The following GABARAPL1 variants were observed in gnomAD, a reference collection of about 807,000 sequenced individuals.
GABARAPL1 encodes GABA type A receptor associated protein like 1, also known as gamma-aminobutyric acid receptor-associated protein-like 1.
GABARAPL1 carries 4 observed loss-of-function variants against 14.5 expected under a neutral mutation model. The ratio of observed to expected loss-of-function variants is 0.28; its 90% CI spans 0.14 to 0.63. The LOEUF is 0.63. GABARAPL1 is among the 30% of genes least tolerant of loss of function. The pLI is 0.84. For synonymous variants in GABARAPL1, 47 were observed against 50.6 expected, an observed-to-expected ratio of 0.93 and a Z score of 0.30; for missense variants, 82 against 139.2, an observed-to-expected ratio of 0.59 and a Z score of 2.07.
chr12:10,220,862 G>A, intron 3 of GABARAPL1: 1 of 1,416,514 alleles, frequency 7.1e-7, no homozygotes, highest in Non-Finnish European at 9.2e-7. Context: ...GATAGCAAAA[G>A]TTCCAAAGCG....
At chr12:10,221,518 G>T in intron 3 of GABARAPL1, 1 of 812,340 alleles carries the variant, frequency 1.2e-6, no homozygotes, top group Non-Finnish European at 1.5e-6. Flanking sequence ...CCCCTTGCTA[G>T]GAGTGAGCTC....
chr12:10,221,660 T>G (rs1212037120), intron 3 of GABARAPL1, 127 bp from the exon 4 acceptor site: 9 of 1,113,188 alleles, frequency 8.1e-6, no homozygotes, highest in Non-Finnish European at 1.0e-5. Flanking sequence ...CCCTATCCTT[T>G]GCTCCTCTTT....
chr12:10,217,084 T>G (rs1220658723), intron 1 of GABARAPL1, among the ~76,000 whole-genome samples: 2 of 152,186 alleles, frequency 1.3e-5, no homozygotes, highest in African/African-American at 2.4e-5. Context: ...TTGGGAAGTT[T>G]TAGTGTATAA....
intron 3 of GABARAPL1, 95 bp from the exon 4 acceptor site, chr12:10,221,692 T>A: frequency 7.2e-7 from 1 of 1,395,784 alleles, no homozygotes. Context: ...TAATGATACC[T>A]TCCATACCTG....
chr12:10,218,141 G>A lies in GABARAPL1; in HGVS notation c.169G>A (p.Val57Ile), dbSNP rs1287068145. The change falls in exon 2 of 4, where the codon GTT becomes ATT. Residue 57 changes from valine (V) to isoleucine (I), a missense_variant and splice_region_variant. Physicochemically the swap from Val to Ile is conservative, Grantham distance 29. Around this residue, in one of 3 missense-constraint regions of GABARAPL1, gnomAD observed 65 missense variants for 103.7 expected, o/e 0.63. Coordinates refer to ENST00000266458, the MANE Select transcript of GABARAPL1 (RefSeq NM_031412.4). Reference sequence around the variant, plus strand: ...GTACCTAGTGCCCTCTGACCTTACTGGTAATGCTCTTTGCCTTCCCTGACC... The same window carrying A: ...GTACCTAGTGCCCTCTGACCTTACTAGTAATGCTCTTTGCCTTCCCTGACC... ...RKYLVPSDLT[V>I]GQFYFLIRKR... 1 of 1,591,926 alleles carries A rather than the reference G, an allele frequency of 6.3e-7. No homozygotes were observed. The highest frequency in any genetic ancestry group is 1.1e-5 in the South Asian group (1 of 90,652).
chr12:10,216,929 CTT>C (rs944417001), intron 1 of GABARAPL1, among the ~76,000 whole-genome samples: 1 of 152,006 alleles, frequency 6.6e-6, no homozygotes, highest in Non-Finnish European at 1.5e-5. Context: ...TTAAAAATAT[CTT>C]TTAAATTTTG....
chr12:10,213,684 G>C (rs1361368789), intron 1 of GABARAPL1: 1 of 348,570 alleles, frequency 2.9e-6, no homozygotes, highest in African/African-American at 2.2e-5. Flanking sequence ...GTTGACTTTG[G>C]CTCTCATATC....
intron 3 of GABARAPL1, chr12:10,220,801 T>A (rs1949117000): frequency 6.9e-7 from 1 of 1,450,478 alleles, no homozygotes; most frequent in Non-Finnish European, 9.0e-7. Context: ...CTTGTCTGAC[T>A]ATAGTGTTTT....
intron 1 of GABARAPL1, chr12:10,213,450 T>C (rs1288737850): frequency 1.8e-6 from 1 of 568,650 alleles, no homozygotes; most frequent in African/African-American, 1.9e-5. Flanking sequence ...GACGGCGTTT[T>C]GGGGGCCGAG....
At chr12:10,220,259 G>A (rs1258891502) in intron 2 of GABARAPL1, among the ~76,000 whole-genome samples, 181 bp from the exon 3 acceptor site, 1 of 152,120 alleles carries the variant, frequency 6.6e-6, no homozygotes, top group Non-Finnish European at 1.5e-5. Context: ...GTGGGCTTCC[G>A]AGTTTCCCTT....
In GABARAPL1 at chr12:10,218,102, C is replaced by A; in HGVS notation, c.130C>A (p.Leu44Met). 1 of 1,611,298 alleles carries A rather than the reference C, an allele frequency of 6.2e-7. No homozygotes were observed. Among genetic ancestry groups the A allele is most frequent in the Non-Finnish European group, 8.5e-7 (1 of 1,177,416 alleles). The change falls in exon 2 of 4, where the codon CTG becomes ATG. Residue 44 changes from leucine (L) to methionine (M), a missense_variant. By Grantham distance (15) the Leu-to-Met change is conservative. Around this residue, in one of 3 missense-constraint regions of GABARAPL1, gnomAD observed 65 missense variants for 103.7 expected, o/e 0.63. Transcript: ENST00000266458. ...GGCTCCAAAAGCCAGGGTGCCTGAT[C>A]TGGACAAGAGGAAGTACCTAGTGCC... is the stretch of plus-strand genomic sequence containing the variant. ...EKAPKARVPDLDKRKYLVPSD... is the reference protein window; with the variant it reads ...EKAPKARVPDMDKRKYLVPSD...
intron 3 of GABARAPL1, 22 bp downstream of exon 3, chr12:10,220,580 T>A: frequency 1.2e-6 from 2 of 1,614,006 alleles, no homozygotes; most frequent in Non-Finnish European, 1.7e-6. Flanking sequence ...GGTTGCACAA[T>A]ACTGGATGCC....
chr12:10,213,437 G>A, intron 1 of GABARAPL1: 2 of 604,352 alleles, frequency 3.3e-6, no homozygotes, highest in Non-Finnish European at 6.1e-6. Context: ...CCACTTCAGG[G>A]CTGACGGCGT....
rs749803834 is a variant in GABARAPL1, at chr12:10,221,820, G to T, written c.322G>T (p.Ala108Ser). Residue 108 changes from alanine to serine, a missense_variant, in exon 4 of 4, where the codon GCC becomes TCC. Coordinates refer to ENST00000266458, the MANE Select transcript of GABARAPL1 (RefSeq NM_031412.4). ...TGAGGAAGACTATTTTCTGTATGTG[G>T]CCTACAGTGATGAGAGTGTCTATGG... ...NHEEDYFLYV[A>S]YSDESVYGK The T allele has an allele frequency of 6.2e-7, 1 of 1,613,980 alleles. No homozygotes were observed. The highest frequency in any genetic ancestry group is 1.1e-5 in the South Asian group (1 of 91,078).
At chr12:10,220,977 G>A in intron 3 of GABARAPL1, 1 of 1,237,304 alleles carries the variant, frequency 8.1e-7, no homozygotes. Flanking sequence ...GATTGAGAAA[G>A]CACGTAATAG....
Position 10,218,095 on chromosome 12 carries a change from G to T in GABARAPL1, c.123G>T (p.Val41=). ...TAGAGAAGGCTCCAAAAGCCAGGGT[G>T]CCTGATCTGGACAAGAGGAAGTACC... is the stretch of plus-strand genomic sequence containing the variant. The part of the protein sequence containing the change: ...VIVEKAPKAR[V]PDLDKRKYLV... The change falls in exon 2 of 4, where the codon GTG becomes GTT. Residue 41 remains valine, a synonymous_variant. Coordinates refer to ENST00000266458, the MANE Select transcript of GABARAPL1 (RefSeq NM_031412.4). 1 of 1,610,958 alleles carries T rather than the reference G, an allele frequency of 6.2e-7. No individual in the cohort carries two copies. Among genetic ancestry groups the T allele is most frequent in the Non-Finnish European group, 8.5e-7 (1 of 1,177,140 alleles).
At chr12:10,219,042 G>A (rs1003051450) in intron 2 of GABARAPL1, among the ~76,000 whole-genome samples, 3 of 151,922 alleles carry the variant, frequency 2.0e-5, no homozygotes, top group African/African-American at 7.2e-5. Context: ...GCTTTGGCTG[G>A]GGGTGGTGGC....
chr12:10,214,188 G>A (rs1052670931), intron 1 of GABARAPL1: 1 of 230,462 alleles, frequency 4.3e-6, no homozygotes. Context: ...TTATCTTCAG[G>A]TAGGAACATT....
At position 10,220,361 on chromosome 12, in the gene GABARAPL1, T is replaced by A. The variant is rs568251585; in HGVS notation, c.170-79T>A. The A allele has an allele frequency of 3.4e-5, 54 of 1,588,732 alleles. No homozygotes were observed. In the African/African-American group the frequency reaches 6.6e-4, roughly 19 times the overall value. On this transcript the variant is annotated intron_variant, in intron 2 of 3. Transcript: ENST00000266458. ...CTAAGGTGAAAAAATGCAATTGAATTTTTTTCCAGGACTTACCCTTCTACT... is the reference window on the plus strand; with the variant it reads ...CTAAGGTGAAAAAATGCAATTGAATATTTTTCCAGGACTTACCCTTCTACT...
Sources: gnomAD v4.1 joint callset for allele counts (sites outside exome capture counted in the v4.1 genomes callset) on GRCh38, gnomAD v4.1.1 for gene constraint, gnomAD v4.1.1 regional missense constraint, MANE v1.5 for transcripts, NCBI Gene and HGNC (gene_info 2026-07-23, HGNC 2026-07-21) for gene names.